Variants in ETV6 observed in about 807,000 individuals in gnomAD.
ETV6 encodes the protein transcription factor ETV6.
ETV6 carries 16 observed loss-of-function variants against 51.1 expected under a neutral mutation model. The observed-to-expected ratio is 0.31, with a 90% CI of 0.21 to 0.48. The LOEUF is 0.48. ETV6 is among the 20% of genes least tolerant of loss of function. The pLI is 0.99. For synonymous variants in ETV6, 240 were observed against 224.1 expected (o/e 1.07, Z -0.64); for missense variants, 458 against 594.8 (o/e 0.77, Z 2.39).
At chr12:11,735,026 G>A (rs1865675840) in intron 1 of ETV6, among the ~76,000 whole-genome samples, 1 of 150,974 alleles carries the variant, frequency 6.6e-6, no homozygotes, top group Admixed American at 6.6e-5. Context: ...CTTATTAATG[G>A]GCAAAATGTC....
chr12:11,663,107 T>A (rs1021126985), intron 1 of ETV6, among the ~76,000 whole-genome samples: 2 of 152,232 alleles, frequency 1.3e-5, no homozygotes, highest in African/African-American at 4.8e-5. Flanking sequence ...TAGGAGAAAA[T>A]GCACAATTTC....
At chr12:11,681,151 G>A (rs1864521709) in intron 1 of ETV6, among the ~76,000 whole-genome samples, 1 of 152,178 alleles carries the variant, frequency 6.6e-6, no homozygotes, top group East Asian at 1.9e-4. Flanking sequence ...CATTTATCAT[G>A]CTGAGGCAGC....
At chr12:11,717,677 A>G (rs553417699) in intron 1 of ETV6, among the ~76,000 whole-genome samples, 1 of 152,330 alleles carries the variant, frequency 6.6e-6, no homozygotes, top group South Asian at 2.1e-4. Context: ...CATCTGACTC[A>G]TTTTGAAAAC....
chr12:11,689,476 CTCTTCTCCAG>C (rs1287668701), intron 1 of ETV6, among the ~76,000 whole-genome samples: 2 of 152,124 alleles, frequency 1.3e-5, no homozygotes, highest in African/African-American at 4.8e-5. Flanking sequence ...CCATGGCTAA[CTCTTCTCCAG>C]TCTTCTCCAG....
chr12:11,850,336 C>G (rs1946532571), intron 3 of ETV6, among the ~76,000 whole-genome samples: 1 of 152,170 alleles, frequency 6.6e-6, no homozygotes, highest in African/African-American at 2.4e-5. Flanking sequence ...CCCCCAGAGG[C>G]TTAGCCCACC....
At chr12:11,769,531 G>A (rs1301238605) in intron 2 of ETV6, among the ~76,000 whole-genome samples, 2 of 152,082 alleles carry the variant, frequency 1.3e-5, no homozygotes, top group East Asian at 3.8e-4. Context: ...ATACTATGTA[G>A]GTGTCATTTC....
At position 11,891,924 on chromosome 12, in the gene ETV6, C is replaced by A. The variant is rs1009112498; in HGVS notation, c.*878C>A. ...TACATGCTAGTCCAGAGAGCCGCCC[C>A]TGAGATGGCTGTGAGAACCATGTGT... is the stretch of plus-strand genomic sequence containing the variant. On this transcript the variant is annotated 3_prime_UTR_variant, in exon 8 of 8. Coordinates refer to ENST00000396373, the MANE Select transcript of ETV6 (RefSeq NM_001987.5). 1 of 247,662 alleles carries A rather than the reference C, an allele frequency of 4.0e-6. No individual in the cohort carries two copies. Among genetic ancestry groups the A allele is most frequent in the East Asian group, 5.8e-5 (1 of 17,274 alleles). The allele number at this position is 247,662 out of a possible 1,614,324, so 15.3% of individuals were successfully genotyped here.
intron 1 of ETV6, among the ~76,000 whole-genome samples, chr12:11,730,870 C>G (rs1865582364): frequency 6.6e-6 from 1 of 152,104 alleles, no homozygotes; most frequent in Non-Finnish European, 1.5e-5. Flanking sequence ...TCCAGGAGAC[C>G]AGAGACACAC....
At chr12:11,824,463 C>T (rs928743662) in intron 2 of ETV6, among the ~76,000 whole-genome samples, 3 of 152,146 alleles carry the variant, frequency 2.0e-5, no homozygotes, top group African/African-American at 7.2e-5. Context: ...GGAGAAGCTG[C>T]TGGGAGTAGA....
In ETV6 at chr12:11,893,792, TTTTATATATATATA is replaced by T. The variant is rs1437276795; in HGVS notation, c.*2748_*2761del. Reference sequence around the variant, plus strand: ...TTGTGTCCATCCCCAAGATCTCTCATTTTATATATATATATATATATATATATATATATATATAT... The same window carrying T: ...TTGTGTCCATCCCCAAGATCTCTCATTATATATATATATATATATATATAT... On this transcript the variant is annotated 3_prime_UTR_variant, in exon 8 of 8. Coordinates refer to ENST00000396373, the MANE Select transcript of ETV6 (RefSeq NM_001987.5). The T allele has an allele frequency of 2.2e-3, 92 of 42,190 alleles. 3 individuals carry two copies. The highest frequency in any genetic ancestry group is 6.6e-3 in the East Asian group (17 of 2,584). 2.6% of individuals were successfully genotyped at this position (42,190 alleles called of 1,614,324 possible).
intron 1 of ETV6, among the ~76,000 whole-genome samples, chr12:11,657,646 C>T (rs544870273): frequency 3.3e-5 from 5 of 152,292 alleles, no homozygotes; most frequent in Admixed American, 3.3e-4. Context: ...GATGGCCTCC[C>T]TGGGGGTATT....
At chr12:11,715,626 C>G (rs1166723102) in intron 1 of ETV6, among the ~76,000 whole-genome samples, 1 of 152,246 alleles carries the variant, frequency 6.6e-6, no homozygotes, top group African/African-American at 2.4e-5. Context: ...AATCAGTACT[C>G]CCTGATGCTG....
intron 2 of ETV6, among the ~76,000 whole-genome samples, chr12:11,766,653 G>A (rs1026540949): frequency 5.3e-5 from 8 of 152,124 alleles, no homozygotes; most frequent in African/African-American, 1.9e-4. Context: ...CCTGACCTGC[G>A]TGGAGGCCTT....
intron 2 of ETV6, chr12:11,768,843 A>G (rs1201164955): frequency 2.2e-6 from 1 of 448,332 alleles, no homozygotes; most frequent in East Asian, 6.9e-5. Context: ...TGCCTACCAC[A>G]TTCCAGCTAC....
rs772702884 is a variant in ETV6 at position 11,884,557 on chromosome 12, C to T, written c.1122C>T (p.Asn374=). Residue 374 remains asparagine (N), a synonymous_variant, in exon 6 of 8, where the codon AAC becomes AAT. Coordinates refer to ENST00000396373, the MANE Select transcript of ETV6 (RefSeq NM_001987.5). ...ESKIFRIVDP[N]GLARLWGNHK... is the part of the protein sequence containing the mutation. The stretch of plus-strand genomic sequence containing the variant: ...AAATATTCCGGATAGTGGATCCCAA[C>T]GGACTGGCTCGACTGTGGGGAAACC... 16 of 1,614,196 alleles carry T rather than the reference C, an allele frequency of 9.9e-6. No homozygotes were observed. Among genetic ancestry groups the T allele is most frequent in the Middle Eastern group, 1.6e-4 (1 of 6,062 alleles).
At chr12:11,849,605 A>G (rs776626668) in intron 3 of ETV6, among the ~76,000 whole-genome samples, 7 of 152,238 alleles carry the variant, frequency 4.6e-5, no homozygotes, top group Non-Finnish European at 1.0e-4. Flanking sequence ...TCACAAGCCA[A>G]AACTAAGAAC....
chr12:11,749,290 CA>C (rs1865970674), intron 1 of ETV6, among the ~76,000 whole-genome samples: 1 of 5,060 alleles, frequency 2.0e-4, no homozygotes, highest in African/African-American at 5.4e-4. Flanking sequence ...CCCCCCCATA[CA>C]CACACACACA....
At chr12:11,876,095 G>C (rs866088670) in intron 5 of ETV6, among the ~76,000 whole-genome samples, 30 of 152,176 alleles carry the variant, frequency 2.0e-4, no homozygotes, top group African/African-American at 7.2e-4. Flanking sequence ...TAGATGACAA[G>C]GCATGTTTGA....
At chr12:11,714,772 G>GT (rs1865243600) in intron 1 of ETV6, among the ~76,000 whole-genome samples, 1 of 152,158 alleles carries the variant, frequency 6.6e-6, no homozygotes, top group South Asian at 2.1e-4. Flanking sequence ...TAGACTCCTG[G>GT]TGAGGAGGGC....
Sources: allele counts gnomAD v4.1 joint callset (sites outside exome capture counted in the v4.1 genomes callset), GRCh38; gene constraint gnomAD v4.1.1; transcripts MANE v1.5; gene names NCBI Gene and HGNC (gene_info 2026-07-23, HGNC 2026-07-21).